The following PARVB variants were observed in gnomAD, a reference collection of about 807,000 sequenced individuals.
PARVB encodes parvin beta.
In PARVB, 46 loss-of-function variants were observed where a neutral mutation model predicts 47.0. The ratio of observed to expected loss-of-function variants is 0.98; its 90% CI spans 0.77 to 1.25. PARVB has a LOEUF of 1.25. Among genes scored for constraint, PARVB ranks in the 50% most tolerant of loss-of-function variants. PARVB has a pLI of 0.00. For missense variants in PARVB, 473 were observed against 471.6 expected (o/e 1.00, Z -0.03); for synonymous variants, 196 against 196.3 (o/e 1.00, Z 0.01).
rs146849979 is a variant in PARVB at position 44,132,994 on chromosome 22, G to A, written c.618G>A (p.Gln206=). 1.2e-6 allele frequency: 2 copies of A among 1,613,518 alleles called. No individual in the cohort carries two copies. Among genetic ancestry groups the A allele is most frequent in the Non-Finnish European group, 1.7e-6 (2 of 1,179,702 alleles). ...PIRLPEHVTV[Q]VVVVRKREGL... The stretch of plus-strand genomic sequence containing the variant: ...GCCTTCCTGAGCATGTAACGGTGCA[G>A]GTGGTGGTCGTGCGGGTGAGTATAA... Residue 206 remains glutamine (Q), a synonymous_variant, in exon 6 of 13, where the codon CAG becomes CAA. Coordinates refer to ENST00000338758, the MANE Select transcript of PARVB (RefSeq NM_013327.5).
At chr22:44,010,617 T>C (rs1369428094) in intron 2 of PARVB, 1 of 152,206 alleles carries the variant, frequency 6.6e-6, no homozygotes, top group Admixed American at 6.5e-5. Flanking sequence ...ATCACTGTTG[T>C]TTTCAAACAT....
intron 2 of PARVB, among the ~76,000 whole-genome samples, chr22:44,095,762 C>T (rs528510313): frequency 1.3e-5 from 2 of 152,340 alleles, no homozygotes; most frequent in African/African-American, 4.8e-5. Flanking sequence ...GAAGGGAAGT[C>T]CCGGTTCATC....
chr22:44,166,392 G>A (rs2054167834), intron 12 of PARVB, among the ~76,000 whole-genome samples: 4 of 152,216 alleles, frequency 2.6e-5, no homozygotes, highest in African/African-American at 9.6e-5. Context: ...TTACAGGTGT[G>A]AGCCACCACA....
intron 1 of PARVB, among the ~76,000 whole-genome samples, chr22:44,072,718 C>T (rs1281734557): frequency 6.6e-6 from 1 of 152,290 alleles, no homozygotes; most frequent in East Asian, 1.9e-4. Flanking sequence ...GCTGGGATTA[C>T]AGGTGTGAAC....
intron 1 of PARVB, among the ~76,000 whole-genome samples, chr22:44,050,838 A>T (rs1356309108): frequency 1.3e-5 from 2 of 152,234 alleles, no homozygotes; most frequent in East Asian, 3.8e-4. Context: ...TAAATGCAAT[A>T]ACCTGGGAGA....
intron 3 of PARVB, 84 bp downstream of exon 3, chr22:44,100,207 G>T: frequency 9.4e-7 from 1 of 1,066,726 alleles, no homozygotes. Flanking sequence ...GACAAAGGGA[G>T]CTAAACCCGG....
chr22:44,131,755 C>T (rs1238729613), intron 5 of PARVB, 128 bp downstream of exon 5: 1 of 977,760 alleles, frequency 1.0e-6, no homozygotes, highest in Non-Finnish European at 1.5e-6. Context: ...TTGGGTTCAT[C>T]TCCCTGCTCT....
intron 12 of PARVB, 50 bp downstream of exon 12, chr22:44,163,980 A>T: frequency 7.0e-7 from 1 of 1,425,336 alleles, no homozygotes; most frequent in Admixed American, 1.8e-5. Flanking sequence ...ACGGAGGGGA[A>T]GAAAAACGGG....
At chr22:44,081,976 A>G (rs2051911496) in intron 1 of PARVB, among the ~76,000 whole-genome samples, 1 of 152,230 alleles carries the variant, frequency 6.6e-6, no homozygotes, top group Admixed American at 6.5e-5. Flanking sequence ...CAGCCTCTGA[A>G]AATCACAGAG....
chr22:44,116,012 A>T (rs929155816), intron 3 of PARVB: 2 of 148,686 alleles, frequency 1.3e-5, no homozygotes, highest in Non-Finnish European at 3.0e-5. Flanking sequence ...ATTACTAACT[A>T]TGGAGGTGCT....
At chr22:44,001,968 C>T (rs1309393301) in intron 2 of PARVB, among the ~76,000 whole-genome samples, 1 of 151,308 alleles carries the variant, frequency 6.6e-6, no homozygotes, top group Non-Finnish European at 1.5e-5. Context: ...TGACAGGGAG[C>T]ATTTTGCTGC....
At chr22:44,063,781 C>G (rs1300359807) in intron 1 of PARVB, among the ~76,000 whole-genome samples, 1 of 152,138 alleles carries the variant, frequency 6.6e-6, no homozygotes, top group Non-Finnish European at 1.5e-5. Flanking sequence ...GGCAGCTGCT[C>G]CTGGTACAGA....
intron 1 of PARVB, 64 bp downstream of exon 1, chr22:44,024,515 T>C (rs1046830679): frequency 2.7e-4 from 236 of 875,830 alleles, no homozygotes; most frequent in Non-Finnish European, 3.3e-4. Flanking sequence ...CCCTCGGCCC[T>C]AGAGCCCCAC....
chr22:44,055,534 C>G (rs979328949), intron 1 of PARVB, among the ~76,000 whole-genome samples: 4 of 152,028 alleles, frequency 2.6e-5, no homozygotes, highest in African/African-American at 9.7e-5. Context: ...GGGGTTTCAC[C>G]ATGTTGGCCA....
chr22:44,034,700 G>T (rs1162807791), intron 1 of PARVB, among the ~76,000 whole-genome samples: 6 of 145,376 alleles, frequency 4.1e-5, no homozygotes, highest in Non-Finnish European at 7.5e-5. Flanking sequence ...AGAAATCCAC[G>T]TGTAACTTTT....
intron 1 of PARVB, among the ~76,000 whole-genome samples, chr22:44,024,954 G>A (rs949104972): frequency 6.6e-6 from 1 of 152,174 alleles, no homozygotes; most frequent in East Asian, 1.9e-4. Flanking sequence ...GAATTGCAGA[G>A]ATCCCATTAA....
intron 2 of PARVB, chr22:44,009,629 G>A (rs2050501600): frequency 6.7e-6 from 1 of 150,228 alleles, no homozygotes; most frequent in African/African-American, 2.4e-5. Context: ...TATGTAATAT[G>A]TTTATTACAT....
chr22:44,140,163 G>T lies in PARVB; in HGVS notation c.712+20G>T, dbSNP rs777539202. The T allele has an allele frequency of 1.3e-6, 2 of 1,560,792 alleles. No homozygotes were observed. Among genetic ancestry groups the T allele is most frequent in the Non-Finnish European group, 1.7e-6 (2 of 1,153,388 alleles). On this transcript the variant is annotated intron_variant, in intron 8 of 12. Transcript: ENST00000338758. Reference sequence around the variant, plus strand: ...GGTTCGGTAAGTAACCCCAGGGAAAGTGGGGAGATGGAGGCATGTTAGGGC... The same window carrying T: ...GGTTCGGTAAGTAACCCCAGGGAAATTGGGGAGATGGAGGCATGTTAGGGC...
rs1324509728 is a variant in PARVB at position 43,999,381 on chromosome 22, G to C, written c.41G>C (p.Arg14Thr). Residue 14 changes from arginine (R) to threonine (T), a missense_variant, in exon 1 of 14, where the codon AGG becomes ACG. Physicochemically the swap from Arg to Thr is moderately conservative, Grantham distance 71. Transcript: ENST00000406477. ...AAAGATCACCAAAGAGGAGAGAAAAGGGGATTCCTTAGTCCAGAGAACAAA... is the reference window on the plus strand; with the variant it reads ...AAAGATCACCAAAGAGGAGAGAAAACGGGATTCCTTAGTCCAGAGAACAAA... 4 of 1,610,938 alleles carry C rather than the reference G, an allele frequency of 2.5e-6. No homozygotes were observed. The African/African-American group carries it at 5.3e-5, about 22-fold the overall frequency.
Sources: allele counts gnomAD v4.1 joint callset (sites outside exome capture counted in the v4.1 genomes callset), GRCh38; gene constraint gnomAD v4.1.1; transcripts MANE v1.5; gene names NCBI Gene and HGNC (gene_info 2026-07-23, HGNC 2026-07-21).